The following FOCAD variants were observed in gnomAD, a reference collection of about 807,000 sequenced individuals.
The protein encoded by FOCAD is KIAA1797.
Under a neutral mutation model 225.6 loss-of-function variants are expected in FOCAD, and 198 were observed. The ratio of observed to expected loss-of-function variants is 0.88; its 90% CI spans 0.78 to 0.99. The LOEUF is 0.99. Ranked by LOEUF, FOCAD falls within the 50% of genes least tolerant of loss-of-function variation. FOCAD has a pLI of 0.00. For synonymous variants in FOCAD, 897 were observed against 755.0 expected (o/e 1.19, Z -3.08); for missense variants, 2,713 against 2,123.6 (o/e 1.28, Z -5.46).
intron 21 of FOCAD, among the ~76,000 whole-genome samples, chr9:20,904,952 A>G (rs1481044943): frequency 1.3e-5 from 2 of 152,088 alleles, no homozygotes; most frequent in African/African-American, 4.8e-5. Flanking sequence ...TATTAAATTG[A>G]AATAGCATTC....
chr9:20,798,645 A>G (rs1057205907), intron 11 of FOCAD, among the ~76,000 whole-genome samples: 6 of 152,016 alleles, frequency 3.9e-5, no homozygotes, highest in African/African-American at 1.4e-4. Context: ...AGAGGTGTTT[A>G]TAGTATTCTC....
chr9:20,885,207 A>T lies in FOCAD; in HGVS notation c.2602A>T (p.Thr868Ser), dbSNP rs756185825. ...CAGCAGAGGGCGAAGTTTCAAGCAG[A>T]CTTCACTTGCTCTTGTACATGAGGT... Reference protein sequence around the residue: ...MASRGRSFKQTSLALVHEVHI... With the variant: ...MASRGRSFKQSSLALVHEVHI... Residue 868 changes from threonine (T) to serine (S), a missense_variant, in exon 21 of 44, where the codon ACT becomes TCT. Physicochemically the swap from Thr to Ser is moderately conservative, Grantham distance 58. Coordinates refer to ENST00000338382, the MANE Select transcript of FOCAD (RefSeq NM_001375567.1). 1 of 1,531,946 alleles carries T rather than the reference A, an allele frequency of 6.5e-7. No individual in the cohort carries two copies. Among genetic ancestry groups the T allele is most frequent in the Non-Finnish European group, 8.8e-7 (1 of 1,137,178 alleles). 94.9% of individuals were successfully genotyped at this position (1,531,946 alleles called of 1,614,324 possible). A position where few individuals can be genotyped will look rare whatever the true frequency, so the allele number is the denominator to read the frequency against.
At chr9:20,885,894 A>C (rs1831065370) in intron 21 of FOCAD, among the ~76,000 whole-genome samples, 1 of 152,190 alleles carries the variant, frequency 6.6e-6, no homozygotes, top group African/African-American at 2.4e-5. Context: ...CACAGCAAAG[A>C]GATTTATATA....
intron 34 of FOCAD, 69 bp from the exon 35 acceptor site, chr9:20,952,915 AG>A: frequency 8.3e-7 from 1 of 1,201,000 alleles, no homozygotes; most frequent in Non-Finnish European, 1.2e-6. Context: ...TGGCAGCATG[AG>A]ATCATTATCT....
chr9:20,974,821 C>G (rs1404078311), intron 35 of FOCAD, among the ~76,000 whole-genome samples: 1 of 152,120 alleles, frequency 6.6e-6, no homozygotes, highest in Non-Finnish European at 1.5e-5. Flanking sequence ...CTTCTCATTT[C>G]TGCTGCTGTT....
upstream of FOCAD, among the ~76,000 whole-genome samples, chr9:20,681,675 C>T (rs1448772041): frequency 4.6e-5 from 7 of 152,180 alleles, no homozygotes; most frequent in Admixed American, 3.9e-4. Flanking sequence ...CTCTAGAATA[C>T]GTCTTTCATC....
rs149447589 is a variant in FOCAD at position 20,766,025 on chromosome 9, G to T, written c.699+952G>T. 9.2e-5 allele frequency among the ~76,000 whole-genome samples: 14 copies of T among 152,324 alleles called. No individual in the cohort carries two copies. In the East Asian group the frequency reaches 2.3e-3, roughly 25 times the overall value. On this transcript the variant is annotated intron_variant, in intron 7 of 43. Transcript: ENST00000338382. ...AAATTTAATTAAAATGAATTCTCCT[G>T]TGGCTTTTCCAAAGCTTTTGTTTTG...
chr9:20,911,429 A>G (rs1833429006), intron 22 of FOCAD, among the ~76,000 whole-genome samples: 1 of 152,156 alleles, frequency 6.6e-6, no homozygotes, highest in Admixed American at 6.6e-5. Flanking sequence ...ACAAGGACAT[A>G]TAACTTTATA....
chr9:20,932,964 T>G (rs1392620616), intron 27 of FOCAD, 50 bp from the exon 28 acceptor site: 1 of 1,275,486 alleles, frequency 7.8e-7, no homozygotes, highest in Admixed American at 1.7e-5. Flanking sequence ...GTATTTTGGA[T>G]AGTTGACTAA....
At chr9:20,813,140 T>C (rs1383167932) in intron 11 of FOCAD, among the ~76,000 whole-genome samples, 1 of 152,198 alleles carries the variant, frequency 6.6e-6, no homozygotes, top group Admixed American at 6.6e-5. Context: ...GTGGCTTATT[T>C]CACTTAGCAT....
At chr9:20,961,160 C>G (rs1412634725) in intron 35 of FOCAD, among the ~76,000 whole-genome samples, 4 of 151,720 alleles carry the variant, frequency 2.6e-5, no homozygotes, top group African/African-American at 9.7e-5. Context: ...CCACTCCTCC[C>G]CTCCCCTCCG....
chr9:20,968,889 T>C (rs912388846), intron 35 of FOCAD, among the ~76,000 whole-genome samples: 7 of 152,182 alleles, frequency 4.6e-5, no homozygotes, highest in Admixed American at 1.3e-4. Context: ...TAAAATGCCT[T>C]TTTAAAACTG....
intron 41 of FOCAD, among the ~76,000 whole-genome samples, chr9:20,988,709 T>C (rs1841401252): frequency 1.3e-5 from 2 of 152,012 alleles, no homozygotes. Flanking sequence ...CTTTGAGAAA[T>C]ATTTTCAACA....
chr9:20,670,480 G>A (rs1277333183), intron 2 of FOCAD, among the ~76,000 whole-genome samples: 1 of 152,170 alleles, frequency 6.6e-6, no homozygotes, highest in African/African-American at 2.4e-5. Context: ...GGGAAGCAAG[G>A]CACATCTTAC....
intron 33 of FOCAD, 57 bp from the exon 34 acceptor site, chr9:20,950,939 T>C (rs1837628450): frequency 6.8e-7 from 1 of 1,476,112 alleles, no homozygotes; most frequent in Non-Finnish European, 9.5e-7. Flanking sequence ...AGTGACCTTT[T>C]ATTGAATGGA....
intron 21 of FOCAD, among the ~76,000 whole-genome samples, chr9:20,895,792 A>G (rs1401841974): frequency 1.3e-5 from 2 of 151,852 alleles, no homozygotes; most frequent in Non-Finnish European, 2.9e-5. Context: ...CAGATTTTCT[A>G]TATAGACACT....
At chr9:20,937,120 G>C (rs1295932842) in intron 28 of FOCAD, among the ~76,000 whole-genome samples, 3 of 150,470 alleles carry the variant, frequency 2.0e-5, no homozygotes, top group African/African-American at 7.4e-5. Context: ...TCATGGGTAG[G>C]AAGAATCAAT....
chr9:20,704,545 T>C (rs1824224296), intron 1 of FOCAD, among the ~76,000 whole-genome samples: 1 of 152,222 alleles, frequency 6.6e-6, no homozygotes, highest in East Asian at 1.9e-4. Flanking sequence ...AGCAGTCTAC[T>C]TGGGGAAATT....
At position 20,900,018 on chromosome 9, in the gene FOCAD, G is replaced by A. The variant is rs533531324; in HGVS notation, c.2626-7132G>A. The stretch of plus-strand genomic sequence containing the variant: ...TAGGGCTTCTCCAAGCTCAAGTGGC[G>A]TTCCTCTTTTGTTCTTATGTATACC... On this transcript the variant is annotated intron_variant, in intron 21 of 43. Coordinates refer to ENST00000338382, the MANE Select transcript of FOCAD (RefSeq NM_001375567.1). 1.4e-4 allele frequency among the ~76,000 whole-genome samples: 21 copies of A among 151,994 alleles called. No individual in the cohort carries two copies. The South Asian group carries it at 2.5e-3, about 18-fold the overall frequency.
Sources: allele counts gnomAD v4.1 joint callset (sites outside exome capture counted in the v4.1 genomes callset), GRCh38; gene constraint gnomAD v4.1.1; transcripts MANE v1.5; gene names NCBI Gene and HGNC (gene_info 2026-07-23, HGNC 2026-07-21).